Variants in TRHDE observed in about 807,000 individuals in gnomAD.
TRHDE encodes the protein thyrotropin-releasing hormone-degrading ectoenzyme.
In TRHDE, 72 loss-of-function variants were observed where a neutral mutation model predicts 125.7. That is an observed-to-expected ratio of 0.57 (90% CI 0.47 to 0.70). TRHDE has a LOEUF of 0.70. TRHDE is among the 30% of genes least tolerant of loss of function. The probability of loss-of-function intolerance (pLI) is 0.00; values close to 1 mark genes in which losing one functional copy is unlikely to be tolerated. For missense variants in TRHDE, 1,110 were observed against 1,327.1 expected, an observed-to-expected ratio of 0.84 and a Z score of 2.54; for synonymous variants, 509 against 509.1, an observed-to-expected ratio of 1.00 and a Z score of 0.00.
intron 2 of TRHDE, among the ~76,000 whole-genome samples, chr12:72,108,846 T>C (rs1875249335): frequency 6.6e-6 from 1 of 152,072 alleles, no homozygotes; most frequent in Non-Finnish European, 1.5e-5. Flanking sequence ...GGTCTTAGAC[T>C]TTTTAAAAAT....
rs534970022 is a variant in TRHDE, at chr12:72,231,044, C to T, written n.279+125292C>T. Among the ~76,000 whole-genome samples the T allele has an allele frequency of 1.1e-4, 16 of 152,184 alleles. No individual in the cohort carries two copies. The South Asian group carries it at 1.7e-3, about 16-fold the overall frequency. On this transcript the variant is annotated intron_variant and non_coding_transcript_variant, in intron 2 of 4. Transcript: ENST00000548156. ...TTTGGAATTTGGACATTTATCAACA[C>T]TTAGATATCAGAACTATGTCATCAG...
intron 2 of TRHDE, among the ~76,000 whole-genome samples, chr12:72,333,621 A>G (rs1869702161): frequency 6.6e-6 from 1 of 152,230 alleles, no homozygotes; most frequent in Non-Finnish European, 1.5e-5. Flanking sequence ...GTGTATAGAC[A>G]AGAATGCATA....
chr12:72,448,223 A>G (rs970894372), intron 3 of TRHDE, among the ~76,000 whole-genome samples: 2 of 152,064 alleles, frequency 1.3e-5, no homozygotes, highest in Non-Finnish European at 2.9e-5. Context: ...GAAGGCTGCC[A>G]TTCACATTTG....
intron 15 of TRHDE, among the ~76,000 whole-genome samples, chr12:72,641,201 T>G (rs1479212081): frequency 6.6e-6 from 1 of 152,214 alleles, no homozygotes. Context: ...TTTAAATATT[T>G]TTTTCTTTGG....
intron 3 of TRHDE, among the ~76,000 whole-genome samples, chr12:72,440,261 A>G (rs1453083797): frequency 6.6e-6 from 1 of 151,874 alleles, no homozygotes; most frequent in Non-Finnish European, 1.5e-5. Context: ...TATCAGTGCT[A>G]TGCTCTTGTA....
intron 2 of TRHDE, among the ~76,000 whole-genome samples, chr12:72,289,535 C>T (rs957341414): frequency 1.3e-5 from 2 of 152,120 alleles, no homozygotes; most frequent in African/African-American, 2.4e-5. Flanking sequence ...GAAGATTGCA[C>T]ATAAACTTAT....
chr12:72,474,521 T>C (rs1489725894), intron 5 of TRHDE, among the ~76,000 whole-genome samples: 10 of 152,166 alleles, frequency 6.6e-5, no homozygotes, highest in Admixed American at 2.0e-4. Flanking sequence ...AGTGGAATTA[T>C]GTAGTATTTG....
At chr12:72,568,884 C>G (rs143910208) in intron 10 of TRHDE, among the ~76,000 whole-genome samples, 225 of 152,116 alleles carry the variant, frequency 1.5e-3, no homozygotes, top group African/African-American at 5.2e-3. Flanking sequence ...AAAGAGAAAA[C>G]TTAAAAATAA....
At chr12:72,595,013 A>G (rs1871867792) in intron 12 of TRHDE, among the ~76,000 whole-genome samples, 1 of 150,356 alleles carries the variant, frequency 6.7e-6, no homozygotes, top group Admixed American at 6.6e-5. Context: ...TATTGCAAGG[A>G]CAAAAAACCA....
At chr12:72,128,172 C>T (rs893061873) in intron 2 of TRHDE, among the ~76,000 whole-genome samples, 4 of 152,150 alleles carry the variant, frequency 2.6e-5, no homozygotes, top group Admixed American at 1.3e-4. Context: ...ATTGAGTACT[C>T]GGAAGGGTCT....
chr12:72,253,611 A>T (rs993600705), intron 2 of TRHDE: 2 of 152,172 alleles, frequency 1.3e-5, no homozygotes, highest in African/African-American at 4.8e-5. Flanking sequence ...CCACACATGT[A>T]TAGCTTCCCT....
intron 6 of TRHDE, among the ~76,000 whole-genome samples, chr12:72,533,731 T>G (rs937371014): frequency 6.6e-6 from 1 of 151,052 alleles, no homozygotes; most frequent in African/African-American, 2.4e-5. Context: ...TTGTTTTTTT[T>G]TTTTTTTGCT....
In TRHDE at chr12:72,367,143, C is replaced by T. The variant is rs897355311; in HGVS notation, c.1189-10852C>T. On this transcript the variant is annotated intron_variant, in intron 2 of 18. Transcript: ENST00000261180. ...CTCCTCCTTCTCAGAATGAGTTCTT[C>T]GACTATGGTGATGGAGGGTGCCTGT... Among the ~76,000 whole-genome samples, 31 of 152,148 alleles carry T rather than the reference C, an allele frequency of 2.0e-4. 1 individual carries two copies. The highest frequency in any genetic ancestry group is 7.0e-4 in the African/African-American group (29 of 41,496).
chr12:72,170,299 C>A (rs1876841743), intron 2 of TRHDE, among the ~76,000 whole-genome samples: 1 of 152,126 alleles, frequency 6.6e-6, no homozygotes, highest in Admixed American at 6.6e-5. Flanking sequence ...GTTCTGGAAA[C>A]TGGTTTTCAG....
chr12:72,399,223 GC>G lies in TRHDE; in HGVS notation c.1315+21104del, dbSNP rs1205828072. 8.5e-5 allele frequency among the ~76,000 whole-genome samples: 13 copies of G among 152,210 alleles called. No homozygotes were observed. In the South Asian group the frequency reaches 1.9e-3, roughly 22 times the overall value. ...ATCTTCCACAAAACTGGTCCCCGAA[GC>G]CAAAAAGGCTGGGAACGTCTGCTTT... On this transcript the variant is annotated intron_variant, in intron 3 of 18. Coordinates refer to ENST00000261180, the MANE Select transcript of TRHDE (RefSeq NM_013381.3).
intron 6 of TRHDE, among the ~76,000 whole-genome samples, chr12:72,539,887 A>C (rs980835559): frequency 1.3e-5 from 2 of 151,868 alleles, no homozygotes; most frequent in Admixed American, 6.6e-5. Context: ...GGCTTCCTAA[A>C]TGTCCAGTTT....
rs946598248 is a variant in TRHDE, at chr12:72,260,616, T to C, written n.280-117379T>C. 3.9e-5 allele frequency among the ~76,000 whole-genome samples: 6 copies of C among 152,072 alleles called. No individual in the cohort carries two copies. In the Middle Eastern group the frequency reaches 0.01, roughly 259 times the overall value. On this transcript the variant is annotated intron_variant and non_coding_transcript_variant, in intron 2 of 4. Transcript: ENST00000548156. ...CTCTAAAAGTAGAACAGGGAAGGAA[T>C]AGAGTCAAAGGAGGCCAAGCTGAAG...
At chr12:72,523,588 C>A (rs1023886235) in intron 6 of TRHDE, among the ~76,000 whole-genome samples, 1 of 152,114 alleles carries the variant, frequency 6.6e-6, no homozygotes, top group Non-Finnish European at 1.5e-5. Context: ...GCCAGTTCTA[C>A]AATATGTTTT....
chr12:72,121,453 A>G (rs1209679975), intron 2 of TRHDE, among the ~76,000 whole-genome samples: 1 of 152,140 alleles, frequency 6.6e-6, no homozygotes, highest in Non-Finnish European at 1.5e-5. Flanking sequence ...CTCTGTGGGT[A>G]CTAGCTGAGT....
Sources: allele counts gnomAD v4.1 joint callset (sites outside exome capture counted in the v4.1 genomes callset), GRCh38; gene constraint gnomAD v4.1.1; transcripts MANE v1.5; gene names NCBI Gene and HGNC (gene_info 2026-07-23, HGNC 2026-07-21).